Variants in NDST4 observed in about 807,000 individuals in gnomAD.
NDST4 encodes N-deacetylase and N-sulfotransferase 4, also known as N-heparan sulfate sulfotransferase 4.
NDST4 carries 63 observed loss-of-function variants against 100.8 expected under a neutral mutation model. That is an observed-to-expected ratio of 0.62 (90% CI 0.51 to 0.77). NDST4 has a LOEUF of 0.77. NDST4 is among the 30% of genes least tolerant of loss of function. NDST4 has a pLI of 0.00. For missense variants in NDST4, 943 were observed against 1,018.4 expected (o/e 0.93, Z 1.01); for synonymous variants, 377 against 361.8 (o/e 1.04, Z -0.48).
intron 4 of NDST4, among the ~76,000 whole-genome samples, chr4:114,957,962 G>T (rs900526903): frequency 6.6e-6 from 1 of 152,218 alleles, no homozygotes; most frequent in South Asian, 2.1e-4. Flanking sequence ...CTTCCTGGCT[G>T]CTTTCACTGG....
intron 2 of NDST4, among the ~76,000 whole-genome samples, chr4:115,030,998 C>A (rs1330951514): frequency 2.6e-5 from 4 of 152,102 alleles, no homozygotes; most frequent in East Asian, 1.9e-4. Flanking sequence ...AATGTCATCA[C>A]CCCATCTATA....
At chr4:114,861,492 G>T (rs1346365030) in intron 7 of NDST4, among the ~76,000 whole-genome samples, 1 of 152,118 alleles carries the variant, frequency 6.6e-6, no homozygotes, top group Non-Finnish European at 1.5e-5. Context: ...GCAAGAGAAA[G>T]AGTAAATCTC....
intron 2 of NDST4, among the ~76,000 whole-genome samples, chr4:115,063,956 CA>C (rs1403652551): frequency 6.6e-6 from 1 of 151,818 alleles, no homozygotes; most frequent in African/African-American, 2.4e-5. Context: ...CCTGGTGTTT[CA>C]AGAAATTGCT....
At chr4:115,061,854 G>A (rs1728831073) in intron 2 of NDST4, among the ~76,000 whole-genome samples, 1 of 151,848 alleles carries the variant, frequency 6.6e-6, no homozygotes. Context: ...AAAAAGCATG[G>A]CACACTTAGT....
At position 115,085,741 on chromosome 4, in the gene NDST4, A is replaced by C. The variant is rs565300126; in HGVS notation, c.-246-8459T>G. On this transcript the variant is annotated intron_variant, in intron 1 of 13. Coordinates refer to ENST00000264363, the MANE Select transcript of NDST4 (RefSeq NM_022569.3). Reference sequence around the variant, plus strand: ...GCCATGTGGAACTGTGAGTCAATTAAACCTCTTTTCTTTATAAATTACCCA... The same window carrying C: ...GCCATGTGGAACTGTGAGTCAATTACACCTCTTTTCTTTATAAATTACCCA... 2.0e-5 allele frequency among the ~76,000 whole-genome samples: 3 copies of C among 152,258 alleles called. No homozygotes were observed. The South Asian group carries it at 6.2e-4, about 32-fold the overall frequency.
intron 6 of NDST4, among the ~76,000 whole-genome samples, chr4:114,875,496 T>C (rs139486948): frequency 6.6e-6 from 1 of 152,308 alleles, no homozygotes; most frequent in African/African-American, 2.4e-5. Flanking sequence ...GGAAGGTTTA[T>C]GTATCAAAAT....
intron 7 of NDST4, among the ~76,000 whole-genome samples, chr4:114,857,374 C>T (rs1453137191): frequency 6.6e-6 from 1 of 152,144 alleles, no homozygotes; most frequent in Non-Finnish European, 1.5e-5. Context: ...TGTCCAGCAA[C>T]AATTCACTGT....
intron 6 of NDST4, among the ~76,000 whole-genome samples, chr4:114,892,371 A>T (rs552731351): frequency 6.6e-6 from 1 of 152,148 alleles, no homozygotes; most frequent in Non-Finnish European, 1.5e-5. Flanking sequence ...TATACTGTGC[A>T]TGCAGAAAAG....
intron 2 of NDST4, among the ~76,000 whole-genome samples, chr4:115,003,571 A>T (rs2620419): frequency 0.34 from 51,938 of 151,632 alleles, 9,015 homozygotes; most frequent in South Asian, 0.49. Context: ...ATTCTTTTTT[A>T]AAAAAAGGGG....
intron 3 of NDST4, among the ~76,000 whole-genome samples, chr4:114,976,661 C>A (rs1726640011): frequency 6.6e-6 from 1 of 151,650 alleles, no homozygotes; most frequent in African/African-American, 2.4e-5. Flanking sequence ...CTATGTTAGG[C>A]CAAATTAGTG....
chr4:114,881,687 A>G (rs1724373290), intron 6 of NDST4, among the ~76,000 whole-genome samples: 2 of 152,094 alleles, frequency 1.3e-5, no homozygotes, highest in South Asian at 4.1e-4. Flanking sequence ...TCTAGCCTTG[A>G]GTATTTGCCA....
intron 3 of NDST4, among the ~76,000 whole-genome samples, chr4:114,974,289 C>A (rs279521): frequency 0.38 from 54,073 of 142,262 alleles, 9,854 homozygotes; most frequent in African/African-American, 0.52. Flanking sequence ...ATGCAAAAAA[C>A]AAAAAATCAC....
At chr4:115,087,541 A>T (rs1322904512) in intron 1 of NDST4, among the ~76,000 whole-genome samples, 1 of 151,696 alleles carries the variant, frequency 6.6e-6, no homozygotes, top group Non-Finnish European at 1.5e-5. Context: ...GGATGGTTTT[A>T]AAGTTACTGA....
At chr4:114,855,356 A>T (rs1174528601) in intron 7 of NDST4, among the ~76,000 whole-genome samples, 1 of 152,138 alleles carries the variant, frequency 6.6e-6, no homozygotes, top group Admixed American at 6.5e-5. Context: ...CCCAGACTAA[A>T]TGTCTTGGGG....
chr4:114,929,160 C>G (rs1432821801), intron 6 of NDST4, among the ~76,000 whole-genome samples: 4 of 148,792 alleles, frequency 2.7e-5, no homozygotes, highest in East Asian at 2.0e-4. Context: ...ATCTATCTAT[C>G]TATGTATCTA....
chr4:114,976,268 A>C (rs1312433554), intron 3 of NDST4, among the ~76,000 whole-genome samples: 1 of 152,060 alleles, frequency 6.6e-6, no homozygotes, highest in Non-Finnish European at 1.5e-5. Context: ...GTTTTCACTA[A>C]GGTGCTGTGA....
At chr4:115,024,001 C>T (rs1266938274) in intron 2 of NDST4, among the ~76,000 whole-genome samples, 1 of 152,148 alleles carries the variant, frequency 6.6e-6, no homozygotes. Flanking sequence ...GCCTGCCACA[C>T]TGGAAGGTAC....
intron 4 of NDST4, among the ~76,000 whole-genome samples, chr4:114,943,953 T>A (rs1725806157): frequency 6.6e-6 from 1 of 152,132 alleles, no homozygotes; most frequent in Non-Finnish European, 1.5e-5. Context: ...TGGAAAAACA[T>A]CAACTTTGGG....
chr4:115,025,243 G>A (rs531826455), intron 2 of NDST4, among the ~76,000 whole-genome samples: 1 of 152,248 alleles, frequency 6.6e-6, no homozygotes, highest in African/African-American at 2.4e-5. Context: ...CAACAGCCTA[G>A]AACATTCTCT....
Sources: gnomAD v4.1 joint callset for allele counts (sites outside exome capture counted in the v4.1 genomes callset) on GRCh38, gnomAD v4.1.1 for gene constraint, MANE v1.5 for transcripts, NCBI Gene and HGNC (gene_info 2026-07-23, HGNC 2026-07-21) for gene names.